Variants in ZNF532 observed in about 807,000 individuals in gnomAD.
ZNF532 encodes the protein zinc finger protein 532.
A neutral mutation model predicts 89.3 loss-of-function variants in ZNF532; 22 were observed. The ratio of observed to expected loss-of-function variants is 0.25; its 90% CI spans 0.18 to 0.35. The LOEUF (loss-of-function observed/expected upper bound fraction) is 0.35. ZNF532 is among the 10% of genes least tolerant of loss of function. The pLI, the probability that ZNF532 is intolerant of heterozygous loss-of-function variation, is 1.00. For synonymous variants in ZNF532, 606 were observed against 649.6 expected (o/e 0.93, Z 1.02); for missense variants, 1,132 against 1,643.4 (o/e 0.69, Z 5.38).
chr18:58,942,336 TCCCTCCCTC>T (rs2063219739), intron 5 of ZNF532, among the ~76,000 whole-genome samples: 3 of 28,274 alleles, frequency 1.1e-4, no homozygotes, highest in African/African-American at 5.8e-4. Flanking sequence ...CCTCCCTCCC[TCCCTCCCTC>T]CCTCCCTTCC....
intron 2 of ZNF532, among the ~76,000 whole-genome samples, chr18:58,880,184 C>T (rs920640761): frequency 1.5e-4 from 23 of 152,074 alleles, no homozygotes; most frequent in African/African-American, 5.1e-4. Context: ...CTGTCTGGCT[C>T]GATAGACACT....
chr18:58,865,700 C>T (rs2056389846), intron 2 of ZNF532, 121 bp downstream of exon 2: 1 of 152,286 alleles, frequency 6.6e-6, no homozygotes, highest in Admixed American at 6.5e-5. Context: ...AAGAAATGCT[C>T]TTAATGTTAT....
intron 2 of ZNF532, among the ~76,000 whole-genome samples, chr18:58,891,759 G>A (rs1161731246): frequency 2.0e-5 from 3 of 152,122 alleles, no homozygotes; most frequent in African/African-American, 4.8e-5. Context: ...ACCAGTCCTC[G>A]TTTTGTTGTT....
intron 7 of ZNF532, among the ~76,000 whole-genome samples, chr18:58,964,607 G>T (rs112617129): frequency 0.078 from 11,157 of 143,848 alleles, 923 homozygotes; most frequent in African/African-American, 0.21. Flanking sequence ...TTTTTTTTTA[G>T]ACAGAGTCTC....
At chr18:58,893,670 A>AG (rs1195401178) in intron 2 of ZNF532, among the ~76,000 whole-genome samples, 1 of 151,638 alleles carries the variant, frequency 6.6e-6, no homozygotes, top group Admixed American at 6.6e-5. Context: ...AAAAAAAAAA[A>AG]AGAAAGAAAT....
At chr18:58,957,998 G>A (rs575749883) in intron 7 of ZNF532, among the ~76,000 whole-genome samples, 2 of 151,678 alleles carry the variant, frequency 1.3e-5, no homozygotes, top group African/African-American at 2.4e-5. Flanking sequence ...TCCAGGAGGC[G>A]GAGGTTGCAG....
chr18:58,901,738 G>C (rs1211141050), intron 2 of ZNF532, among the ~76,000 whole-genome samples: 1 of 152,172 alleles, frequency 6.6e-6, no homozygotes, highest in Non-Finnish European at 1.5e-5. Flanking sequence ...GGATTGCCCT[G>C]AATGGGTACT....
At chr18:58,973,368 C>A (rs1034276788) in intron 7 of ZNF532, among the ~76,000 whole-genome samples, 9 of 152,216 alleles carry the variant, frequency 5.9e-5, no homozygotes, top group Non-Finnish European at 5.9e-5. Context: ...TTCCAAAGTG[C>A]TGGGATTACA....
intron 4 of ZNF532, among the ~76,000 whole-genome samples, chr18:58,936,233 A>G (rs967814643): frequency 6.6e-6 from 1 of 152,252 alleles, no homozygotes; most frequent in African/African-American, 2.4e-5. Context: ...TGAGCAAAAC[A>G]GGATAATCAA....
At chr18:58,865,905 G>A (rs1685029086) in intron 2 of ZNF532, among the ~76,000 whole-genome samples, 1 of 152,164 alleles carries the variant, frequency 6.6e-6, no homozygotes, top group African/African-American at 2.4e-5. Flanking sequence ...GTACACATGT[G>A]GCATTTTCCC....
At position 58,948,199 on chromosome 18, in the gene ZNF532, A is replaced by G. The variant is rs2063826320; in HGVS notation, c.2838A>G (p.Ala946=). 5 of 1,613,152 alleles carry G rather than the reference A, an allele frequency of 3.1e-6. No individual in the cohort carries two copies. The East Asian group carries it at 1.1e-4, about 36-fold the overall frequency. The change falls in exon 6 of 10, where the codon GCA becomes GCG. Residue 946 remains alanine, a synonymous_variant. Coordinates refer to ENST00000591808, the MANE Select transcript of ZNF532 (RefSeq NM_001375912.1). ...FKCPDCSLLY[A]QKQLMMDHIK... ...GTCCAGACTGTTCTCTTTTATATGCACAGAAGCAACTTATGATGGACCATA... is the reference window on the plus strand; with the variant it reads ...GTCCAGACTGTTCTCTTTTATATGCGCAGAAGCAACTTATGATGGACCATA...
chr18:58,946,778 G>C (rs564177365), intron 5 of ZNF532, among the ~76,000 whole-genome samples: 21 of 152,234 alleles, frequency 1.4e-4, no homozygotes, highest in Admixed American at 1.2e-3. Flanking sequence ...AAGGGTACTT[G>C]TGCTCTGCAG....
rs938827326 is a variant in ZNF532 at position 58,959,926 on chromosome 18, A to T, written c.3150+6127A>T. Among the ~76,000 whole-genome samples, 3 of 152,036 alleles carry T rather than the reference A, an allele frequency of 2.0e-5. No individual in the cohort carries two copies. The South Asian group carries it at 6.2e-4, about 31-fold the overall frequency. ...GAGACGTTATACATTTACCACTTCT[A>T]AGTAGATTTTTCTTCTTTTTTTATT... On this transcript the variant is annotated intron_variant, in intron 7 of 9. Transcript: ENST00000591808.
chr18:58,880,861 G>A (rs72959108), intron 2 of ZNF532, among the ~76,000 whole-genome samples: 11,727 of 148,126 alleles, frequency 0.079, 577 homozygotes, highest in Admixed American at 0.13. Flanking sequence ...TGTTAATTTT[G>A]GAAAAGATTA....
chr18:58,888,756 A>T (rs1279236787), intron 2 of ZNF532, among the ~76,000 whole-genome samples: 4 of 35,384 alleles, frequency 1.1e-4, no homozygotes, highest in South Asian at 1.9e-3. Context: ...TATATATATA[A>T]AATTAATATA....
chr18:58,882,050 C>T (rs1002507208), intron 2 of ZNF532, among the ~76,000 whole-genome samples: 6 of 152,068 alleles, frequency 3.9e-5, no homozygotes, highest in Admixed American at 1.3e-4. Flanking sequence ...CTCTGCCTCC[C>T]GGGCTCAGGT....
At position 58,961,437 on chromosome 18, in the gene ZNF532, A is replaced by G. The variant is rs182532042; in HGVS notation, c.3150+7638A>G. 3.9e-3 allele frequency among the ~76,000 whole-genome samples: 589 copies of G among 152,202 alleles called. 4 individuals are homozygous for G. The highest frequency in any genetic ancestry group is 0.013 in the African/African-American group (545 of 41,532). ...GATCAAGGCTGTTTCTTTCAGCCCCATTGTCTCAACGTAGGTGTTACTGAA... is the reference window on the plus strand; with the variant it reads ...GATCAAGGCTGTTTCTTTCAGCCCCGTTGTCTCAACGTAGGTGTTACTGAA... On this transcript the variant is annotated intron_variant, in intron 7 of 9. Coordinates refer to ENST00000591808, the MANE Select transcript of ZNF532 (RefSeq NM_001375912.1).
chr18:58,871,871 G>T (rs540280728), intron 2 of ZNF532, among the ~76,000 whole-genome samples: 1 of 152,220 alleles, frequency 6.6e-6, no homozygotes, highest in Non-Finnish European at 1.5e-5. Context: ...CAGATTGGAG[G>T]GGAGAAGGGC....
chr18:58,936,872 C>G (rs2062520978), intron 4 of ZNF532, among the ~76,000 whole-genome samples: 1 of 152,148 alleles, frequency 6.6e-6, no homozygotes. Flanking sequence ...TCTATAGTTA[C>G]TCATTTTCAA....
Sources: gnomAD v4.1 joint callset for allele counts (sites outside exome capture counted in the v4.1 genomes callset) on GRCh38, gnomAD v4.1.1 for gene constraint, MANE v1.5 for transcripts, NCBI Gene and HGNC (gene_info 2026-07-23, HGNC 2026-07-21) for gene names.